The following INPP4B variants were observed in gnomAD, a reference collection of about 807,000 sequenced individuals.
The protein encoded by INPP4B is inositol polyphosphate 4-phosphatase type II.
Under a neutral mutation model 122.5 loss-of-function variants are expected in INPP4B, and 55 were observed. The ratio of observed to expected loss-of-function variants is 0.45; its 90% CI spans 0.36 to 0.56. The LOEUF is 0.56. Ranked by LOEUF, INPP4B falls within the 20% of genes least tolerant of loss-of-function variation. The pLI, the probability that INPP4B is intolerant of heterozygous loss-of-function variation, is 0.00. For synonymous variants in INPP4B, 403 were observed against 388.7 expected (o/e 1.04, Z -0.43); for missense variants, 1,000 against 1,097.7 (o/e 0.91, Z 1.26).
intron 2 of INPP4B, among the ~76,000 whole-genome samples, chr4:142,590,310 A>T (rs1737145405): frequency 6.6e-6 from 1 of 152,236 alleles, no homozygotes; most frequent in Admixed American, 6.5e-5. Context: ...CCCAAGATAC[A>T]ATGCAGAATT....
At chr4:142,421,110 G>A (rs1806786454) in intron 5 of INPP4B, among the ~76,000 whole-genome samples, 1 of 152,046 alleles carries the variant, frequency 6.6e-6, no homozygotes, top group African/African-American at 2.4e-5. Context: ...CTAGCAAGTT[G>A]GCATCATACT....
At chr4:142,255,870 GA>G (rs1405866598) in intron 11 of INPP4B, among the ~76,000 whole-genome samples, 11 of 150,010 alleles carry the variant, frequency 7.3e-5, no homozygotes, top group Admixed American at 5.3e-4. Context: ...GACATCTACA[GA>G]ACTCTCCACC....
At chr4:142,804,619 G>A (rs534843463) in intron 1 of INPP4B, among the ~76,000 whole-genome samples, 33 of 152,130 alleles carry the variant, frequency 2.2e-4, no homozygotes, top group South Asian at 6.2e-4. Context: ...TTTCTACAGC[G>A]TTTTGATATC....
intron 2 of INPP4B, among the ~76,000 whole-genome samples, chr4:142,490,151 C>T (rs1821701309): frequency 2.0e-5 from 3 of 151,994 alleles, no homozygotes; most frequent in Non-Finnish European, 4.4e-5. Flanking sequence ...AAACAGCAAA[C>T]ATGGCTCACT....
intron 18 of INPP4B, among the ~76,000 whole-genome samples, chr4:142,135,407 T>A (rs979210204): frequency 1.3e-5 from 2 of 150,604 alleles, no homozygotes; most frequent in African/African-American, 5.0e-5. Flanking sequence ...TAGCAATTTT[T>A]AACCTTAAAA....
At chr4:142,818,329 G>A (rs1165662625) in intron 1 of INPP4B, among the ~76,000 whole-genome samples, 1 of 152,072 alleles carries the variant, frequency 6.6e-6, no homozygotes, top group Non-Finnish European at 1.5e-5. Flanking sequence ...CAACACCAGG[G>A]CAGCTTTTTA....
rs546687290 is a variant in INPP4B, at chr4:142,665,300, T to G, written c.-191+60539A>C. On this transcript the variant is annotated intron_variant, in intron 2 of 25. Coordinates refer to ENST00000262992, the MANE Select transcript of INPP4B (RefSeq NM_001101669.3). ...GAGGTCAGGAGATGGAGACCATCCT[T>G]GCTAACACAGTGAAACCCTGTCTCT... Among the ~76,000 whole-genome samples, 16 of 152,094 alleles carry G rather than the reference T, an allele frequency of 1.1e-4. No individual in the cohort carries two copies. In the South Asian group the frequency reaches 3.3e-3, roughly 32 times the overall value.
intron 1 of INPP4B, among the ~76,000 whole-genome samples, chr4:142,797,717 C>T (rs900411296): frequency 6.6e-6 from 1 of 151,622 alleles, no homozygotes; most frequent in African/African-American, 2.4e-5. Flanking sequence ...TCATTTTTAT[C>T]ATTAAATGTT....
intron 9 of INPP4B, among the ~76,000 whole-genome samples, chr4:142,298,530 C>G (rs1445751177): frequency 4.0e-5 from 6 of 151,536 alleles, no homozygotes; most frequent in Non-Finnish European, 7.4e-5. Flanking sequence ...ACTAAAAATA[C>G]AAAAATTAGC....
intron 9 of INPP4B, among the ~76,000 whole-genome samples, chr4:142,285,766 G>A (rs973098002): frequency 6.6e-6 from 1 of 152,086 alleles, no homozygotes; most frequent in African/African-American, 2.4e-5. Context: ...CCATGCAGAT[G>A]AAAGATGACC....
intron 7 of INPP4B, among the ~76,000 whole-genome samples, chr4:142,327,217 A>G (rs1396992651): frequency 6.6e-6 from 1 of 152,186 alleles, no homozygotes; most frequent in Non-Finnish European, 1.5e-5. Flanking sequence ...GAACAAAAGC[A>G]CACGTCTATT....
chr4:142,244,245 C>CT (rs1046665856), intron 11 of INPP4B, among the ~76,000 whole-genome samples: 3 of 131,714 alleles, frequency 2.3e-5, no homozygotes, highest in Admixed American at 7.6e-5. Context: ...ATGAACTCAT[C>CT]TTTTTTTTAT....
At chr4:142,516,112 C>G (rs1825385968) in intron 2 of INPP4B, among the ~76,000 whole-genome samples, 2 of 152,068 alleles carry the variant, frequency 1.3e-5, no homozygotes. Flanking sequence ...CACCAGATTT[C>G]TTGGTTGTCA....
intron 2 of INPP4B, among the ~76,000 whole-genome samples, chr4:142,510,430 A>C (rs1036164261): frequency 3.3e-5 from 5 of 152,236 alleles, no homozygotes; most frequent in African/African-American, 1.2e-4. Context: ...TTATAGCAAT[A>C]ATAAAGAACA....
chr4:142,835,612 G>T (rs1782687565), intron 1 of INPP4B, among the ~76,000 whole-genome samples: 1 of 152,130 alleles, frequency 6.6e-6, no homozygotes, highest in African/African-American at 2.4e-5. Context: ...TTATTTTAGG[G>T]ATAATTTTGT....
At chr4:142,134,546 C>T (rs1802994274) in intron 18 of INPP4B, among the ~76,000 whole-genome samples, 2 of 151,914 alleles carry the variant, frequency 1.3e-5, no homozygotes. Flanking sequence ...TGTAAGTATA[C>T]TCTAGTTGGG....
At chr4:142,530,347 C>A (rs1383825555) in intron 2 of INPP4B, among the ~76,000 whole-genome samples, 1 of 151,888 alleles carries the variant, frequency 6.6e-6, no homozygotes, top group Non-Finnish European at 1.5e-5. Flanking sequence ...TTATAACATT[C>A]ATTCTTTAAA....
At chr4:142,160,333 G>C (rs755873034) in intron 17 of INPP4B, 25 bp downstream of exon 17, 1 of 1,364,020 alleles carries the variant, frequency 7.3e-7, no homozygotes, top group East Asian at 2.3e-5. Flanking sequence ...AACATTGAGA[G>C]GCAAGCGATA....
chr4:142,108,893 A>G (rs906310907), intron 22 of INPP4B, among the ~76,000 whole-genome samples: 7 of 152,164 alleles, frequency 4.6e-5, no homozygotes, highest in African/African-American at 1.7e-4. Flanking sequence ...ATGGCTTCCA[A>G]TATGTATCTT....
Sources: gnomAD v4.1 joint callset for allele counts (sites outside exome capture counted in the v4.1 genomes callset) on GRCh38, gnomAD v4.1.1 for gene constraint, MANE v1.5 for transcripts, NCBI Gene and HGNC (gene_info 2026-07-23, HGNC 2026-07-21) for gene names.